The following SLCO1A2 variants were observed in gnomAD, a reference collection of about 807,000 sequenced individuals.
SLCO1A2 encodes the protein OATP-1.
A neutral mutation model predicts 69.0 loss-of-function variants in SLCO1A2; 67 were observed. The ratio of observed to expected loss-of-function variants is 0.97; its 90% CI spans 0.80 to 1.19. The LOEUF is 1.19. Among genes scored for constraint, SLCO1A2 ranks in the 50% most tolerant of loss-of-function variants. SLCO1A2 has a pLI of 0.00. For missense variants in SLCO1A2, 787 were observed against 793.7 expected (o/e 0.99, Z 0.10); for synonymous variants, 260 against 265.9 (o/e 0.98, Z 0.22).
chr12:21,370,371 C>T (rs1939689495), intron 2 of SLCO1A2, among the ~76,000 whole-genome samples: 1 of 151,698 alleles, frequency 6.6e-6, no homozygotes. Flanking sequence ...GGTACATGTG[C>T]ATAACGTGCA....
intron 2 of SLCO1A2, among the ~76,000 whole-genome samples, chr12:21,327,572 C>A (rs1024070372): frequency 2.3e-4 from 35 of 152,298 alleles, no homozygotes; most frequent in African/African-American, 7.9e-4. Flanking sequence ...CCTCTTGCAT[C>A]AGTGTGACCT....
chr12:21,311,169 G>T (rs1416509187), intron 4 of SLCO1A2, among the ~76,000 whole-genome samples: 1 of 152,056 alleles, frequency 6.6e-6, no homozygotes, highest in East Asian at 1.9e-4. Context: ...ACATCTTCAG[G>T]TTCCATCTTA....
At chr12:21,413,883 C>A (rs1262350516) in intron 1 of SLCO1A2, among the ~76,000 whole-genome samples, 1 of 152,038 alleles carries the variant, frequency 6.6e-6, no homozygotes, top group Non-Finnish European at 1.5e-5. Flanking sequence ...AGAAGATAAG[C>A]TAGAAATAAT....
chr12:21,402,372 A>T (rs1055842418), intron 1 of SLCO1A2, among the ~76,000 whole-genome samples: 7 of 152,108 alleles, frequency 4.6e-5, no homozygotes, highest in Non-Finnish European at 8.8e-5. Context: ...TTTATAAGAG[A>T]GGAAAATGCA....
intron 12 of SLCO1A2, among the ~76,000 whole-genome samples, chr12:21,290,464 G>A (rs1488009459): frequency 6.6e-6 from 1 of 152,078 alleles, no homozygotes; most frequent in South Asian, 2.1e-4. Context: ...ATGGGAACAG[G>A]CAAATAAATC....
chr12:21,386,545 C>A (rs971985907), intron 1 of SLCO1A2, among the ~76,000 whole-genome samples: 1 of 152,118 alleles, frequency 6.6e-6, no homozygotes, highest in Non-Finnish European at 1.5e-5. Context: ...TTACCCTGCA[C>A]TTCTCTCTTG....
At position 21,295,760 on chromosome 12, in the gene SLCO1A2, A is replaced by G. The variant is rs1260174254; in HGVS notation, c.1108T>C (p.Tyr370His). Residue 370 changes from tyrosine to histidine, a missense_variant, in exon 10 of 15, where the codon TAT (tyrosine) becomes CAT (histidine). By Grantham distance (83) the Tyr-to-His change is moderately conservative. Coordinates refer to ENST00000683939, the MANE Select transcript of SLCO1A2 (RefSeq NM_001386879.1). ...TTCATAATTAAACCACCAATTATAT[A>G]TCCAATACATATTGGAGGTAAGTTA... Reference protein sequence around the residue: ...IYNLPPICIGYIIGGLIMKKF... With the variant: ...IYNLPPICIGHIIGGLIMKKF... 1.3e-6 allele frequency: 2 copies of G among 1,586,578 alleles called. No homozygotes were observed. Among genetic ancestry groups the G allele is most frequent in the South Asian group, 2.2e-5 (2 of 89,656 alleles).
In SLCO1A2 at chr12:21,363,573, C is replaced by CA. The variant is rs530273702; in HGVS notation, c.-63+10825dup. 1.3e-4 allele frequency among the ~76,000 whole-genome samples: 20 copies of CA among 151,760 alleles called. 1 individual carries two copies. In the South Asian group the frequency reaches 2.9e-3, roughly 22 times the overall value. The stretch of plus-strand genomic sequence containing the variant: ...AGCAGAACTGAAGTAGATAGAGACA[C>CA]AAAAAAACCCTTCAAAAAATAAATT... On this transcript the variant is annotated intron_variant, in intron 2 of 15. Transcript: ENST00000307378.
At chr12:21,309,216 C>T (rs753870817) in intron 4 of SLCO1A2, among the ~76,000 whole-genome samples, 2 of 152,022 alleles carry the variant, frequency 1.3e-5, no homozygotes, top group African/African-American at 2.4e-5. Context: ...AAGGTTAATA[C>T]AGGATGTCCA....
intron 8 of SLCO1A2, among the ~76,000 whole-genome samples, chr12:21,299,593 G>T (rs1281644736): frequency 1.3e-5 from 2 of 149,958 alleles, no homozygotes; most frequent in African/African-American, 2.4e-5. Context: ...TAACTTCCAG[G>T]AAGCTCTTCG....
At chr12:21,308,999 T>G (rs1398758006) in intron 4 of SLCO1A2, among the ~76,000 whole-genome samples, 1 of 151,986 alleles carries the variant, frequency 6.6e-6, no homozygotes, top group Non-Finnish European at 1.5e-5. Context: ...ATGAACAAAA[T>G]TTAGATGGGA....
In SLCO1A2 at chr12:21,371,684, T is replaced by C. The variant is rs118177367; in HGVS notation, c.-63+2715A>G. On this transcript the variant is annotated intron_variant, in intron 2 of 15. Transcript: ENST00000307378. ...GACACTAAGTTGTTCTATTAATAACTAAGATACCAAATATAATTTAGAAAT... is the reference window on the plus strand; with the variant it reads ...GACACTAAGTTGTTCTATTAATAACCAAGATACCAAATATAATTTAGAAAT... 3.6e-4 allele frequency among the ~76,000 whole-genome samples: 55 copies of C among 152,236 alleles called. No individual in the cohort carries two copies. In the East Asian group the frequency reaches 0.01, roughly 28 times the overall value.
chr12:21,343,851 C>T (rs917246244), intron 2 of SLCO1A2, among the ~76,000 whole-genome samples: 1 of 152,040 alleles, frequency 6.6e-6, no homozygotes, highest in African/African-American at 2.4e-5. Context: ...CAGAGCAGAA[C>T]AAAATTTTGC....
chr12:21,318,875 C>T lies in SLCO1A2; in HGVS notation c.109G>A (p.Gly37Arg), dbSNP rs753898099. ...TCAFVSKTLSGSYMNSMLTQI... is the reference protein window; with the variant it reads ...TCAFVSKTLSRSYMNSMLTQI... ...GTGAGCATGGAATTCATATAAGATC[C>T]AGACAGTGTTTTGGATACAAATGCA... Residue 37 changes from glycine (G) to arginine (R), a missense_variant, in exon 3 of 15, where the codon GGA becomes AGA. Gly to Arg is a moderately radical substitution (Grantham distance 125, BLOSUM62 -2). Transcript: ENST00000683939. 2 of 1,610,394 alleles carry T rather than the reference C, an allele frequency of 1.2e-6. No homozygotes were observed. The highest frequency in any genetic ancestry group is 1.7e-6 in the Non-Finnish European group (2 of 1,178,382).
At chr12:21,282,811 A>C (rs1425915345) in intron 12 of SLCO1A2, among the ~76,000 whole-genome samples, 1 of 152,116 alleles carries the variant, frequency 6.6e-6, no homozygotes, top group Non-Finnish European at 1.5e-5. Flanking sequence ...AGTCTAAAAA[A>C]AAGTAATTCT....
intron 10 of SLCO1A2, chr12:21,295,335 CACAAAG>C (rs143607974): frequency 0.07 from 23,342 of 331,920 alleles, 1,383 homozygotes; most frequent in East Asian, 0.28. Context: ...ACTCGGATAT[CACAAAG>C]ACAATCATGC....
At chr12:21,382,965 C>T (rs1236820804) in intron 1 of SLCO1A2, among the ~76,000 whole-genome samples, 1 of 152,056 alleles carries the variant, frequency 6.6e-6, no homozygotes, top group Admixed American at 6.5e-5. Context: ...TTTTCTTTTA[C>T]TCCCACTTTG....
rs770919028 is a variant in SLCO1A2, at chr12:21,373,436, G to A, written c.-63+963C>T. ...GAAAGCTACACCCATTGAAAGGTTG[G>A]TAACTTTAAAATCCTGTTTCTTTGT... On this transcript the variant is annotated intron_variant, in intron 2 of 15. Coordinates refer to the SLCO1A2 transcript ENST00000307378. 6.2e-6 allele frequency: 10 copies of A among 1,602,984 alleles called. No homozygotes were observed. In the Admixed American group the frequency reaches 1.7e-4, roughly 27 times the overall value.
chr12:21,363,910 C>A (rs1044998545), intron 2 of SLCO1A2, among the ~76,000 whole-genome samples: 3 of 151,998 alleles, frequency 2.0e-5, no homozygotes, highest in Non-Finnish European at 4.4e-5. Context: ...AATTAATAGC[C>A]TACCAACCAA....
Sources: gnomAD v4.1 joint callset for allele counts (sites outside exome capture counted in the v4.1 genomes callset) on GRCh38, gnomAD v4.1.1 for gene constraint, MANE v1.5 for transcripts, NCBI Gene and HGNC (gene_info 2026-07-23, HGNC 2026-07-21) for gene names.